VAV1: variants seen among roughly 807,000 people sequenced by gnomAD.
VAV1 encodes the protein vav guanine nucleotide exchange factor 1.
Under a neutral mutation model 128.1 loss-of-function variants are expected in VAV1, and 33 were observed. That is an observed-to-expected ratio of 0.26 (90% CI 0.20 to 0.34). The LOEUF (loss-of-function observed/expected upper bound fraction) is 0.34. Ranked by LOEUF, VAV1 falls within the 10% of genes least tolerant of loss-of-function variation. The pLI is 1.00. For missense variants in VAV1, 715 were observed against 1,093.7 expected (o/e 0.65, Z 4.88); for synonymous variants, 394 against 409.8 (o/e 0.96, Z 0.47).
chr19:6,787,572 AGATTTATTTATTTATTTATT>A (rs1970921452), intron 1 of VAV1, among the ~76,000 whole-genome samples: 1 of 138,656 alleles, frequency 7.2e-6, no homozygotes, highest in South Asian at 2.3e-4. Context: ...CAACTACTCC[AGATTTATTTATTTATTTATT>A]TATTTATTTA....
chr19:6,818,675 GGGC>G (rs1203580818), intron 1 of VAV1, among the ~76,000 whole-genome samples: 1 of 152,180 alleles, frequency 6.6e-6, no homozygotes, highest in Non-Finnish European at 1.5e-5. Context: ...TCATCTGTGT[GGGC>G]CCTAATGCAC....
At chr19:6,847,420 T>G (rs1972551620) in intron 22 of VAV1, among the ~76,000 whole-genome samples, 1 of 152,190 alleles carries the variant, frequency 6.6e-6, no homozygotes, top group Non-Finnish European at 1.5e-5. Flanking sequence ...TGTGGCCGTT[T>G]GTGCCTGGCT....
chr19:6,822,290 C>T lies in VAV1; in HGVS notation c.519C>T (p.Ile173=), dbSNP rs770714689. ...VENEEAEGDE[I]YEDLMRSEPV... ...ATGAGGAGGCGGAAGGCGACGAGAT[C>T]TATGAGGACCTCATGCGCTCGGAGC... Residue 173 remains isoleucine (I), a synonymous_variant, in exon 5 of 27, where the codon ATC becomes ATT. Coordinates refer to ENST00000602142, the MANE Select transcript of VAV1 (RefSeq NM_005428.4). This position sits in a 1 kb window ranked among gnomAD's most constrained non-coding sequence, Gnocchi z 5.9. 2 of 1,575,872 alleles carry T rather than the reference C, an allele frequency of 1.3e-6. No homozygotes were observed. Among genetic ancestry groups the T allele is most frequent in the East Asian group, 2.3e-5 (1 of 43,118 alleles).
chr19:6,847,923 G>A, intron 22 of VAV1, 75 bp from the exon 23 acceptor site: 4 of 1,343,568 alleles, frequency 3.0e-6, no homozygotes, highest in Non-Finnish European at 3.9e-6. Context: ...CAGGGGGAAA[G>A]GCAACCTCCA....
In VAV1 at chr19:6,820,184, C is replaced by T. The variant is rs939205789; in HGVS notation, c.205-518C>T. Among the ~76,000 whole-genome samples the T allele has an allele frequency of 3.3e-5, 5 of 152,024 alleles. No homozygotes were observed. Among genetic ancestry groups the T allele is most frequent in the South Asian group, 2.1e-4 (1 of 4,830 alleles). On this transcript the variant is annotated intron_variant, in intron 1 of 26. Coordinates refer to ENST00000602142, the MANE Select transcript of VAV1 (RefSeq NM_005428.4). The surrounding 1 kb of genome is among the most constrained non-coding windows in gnomAD (Gnocchi z 4.4). The stretch of plus-strand genomic sequence containing the variant: ...AAATACAGAAATTAGCTGGGTGTTG[C>T]GACACATGACTGAAGTCCTAGCTAC...
intron 19 of VAV1, 97 bp downstream of exon 19, chr19:6,834,050 C>T: frequency 6.4e-7 from 1 of 1,562,554 alleles, no homozygotes. Context: ...TTAACAGCCA[C>T]ATTGGGCCGG....
At position 6,777,576 on chromosome 19, in the gene VAV1, TG is replaced by T. The variant is rs1328042256; in HGVS notation, c.204+4567del. On this transcript the variant is annotated intron_variant, in intron 1 of 26. Coordinates refer to ENST00000602142, the MANE Select transcript of VAV1 (RefSeq NM_005428.4). This position sits in a 1 kb window ranked among gnomAD's most constrained non-coding sequence, Gnocchi z 4.4. ...AATGAATCATGTGGATCTGGGGAAA[TG>T]GTGTTCCAGACAGTGGTTACTGCCA... 6.6e-6 allele frequency among the ~76,000 whole-genome samples: 1 copy of T among 151,998 alleles called. No homozygotes were observed. Among genetic ancestry groups the T allele is most frequent in the Non-Finnish European group, 1.5e-5 (1 of 67,998 alleles).
chr19:6,833,217 C>G lies in VAV1; in HGVS notation c.1542C>G (p.Asn514Lys), dbSNP rs199798227. 1 of 1,612,774 alleles carries G rather than the reference C, an allele frequency of 6.2e-7. No homozygotes were observed. Among genetic ancestry groups the G allele is most frequent in the Admixed American group, 1.7e-5 (1 of 59,774 alleles). The change falls in exon 16 of 27, where the codon AAC becomes AAG. Residue 514 changes from asparagine to lysine, a missense_variant. This residue lies in a region of VAV1 where 407 missense variants were observed against 580.6 expected (regional missense o/e 0.70). Coordinates refer to ENST00000602142, the MANE Select transcript of VAV1 (RefSeq NM_005428.4). The stretch of plus-strand genomic sequence containing the variant: ...TCTATCCGGAGAATGCCACCGCCAA[C>G]GGGCATGACTTCCAGATGTTCTCCT... ...SNIYPENATANGHDFQMFSFE... is the reference protein window; with the variant it reads ...SNIYPENATAKGHDFQMFSFE...
At chr19:6,840,372 C>G (rs181031222) in intron 21 of VAV1, among the ~76,000 whole-genome samples, 360 of 148,436 alleles carry the variant, frequency 2.4e-3, no homozygotes, top group Middle Eastern at 0.021. Flanking sequence ...GTGGCGCAAT[C>G]TTGGCTCACT....
chr19:6,780,655 T>G (rs1312931924), intron 1 of VAV1, among the ~76,000 whole-genome samples: 2 of 145,332 alleles, frequency 1.4e-5, no homozygotes, highest in African/African-American at 5.0e-5. Context: ...CACTGGAACC[T>G]CCACCTCCTG....
chr19:6,833,150 TCTTTTTTTTTTTTTTTTAATTTTCCC>T lies in VAV1; in HGVS notation c.1509-31_1509-6del, dbSNP rs1568310127. ...ATAAAAAGGAATAAAATACTGACCT[TCTTTTTTTTTTTTTTTTAATTTTCCC>T]CTGCCAGCTCCAACATCTATCCGGA... is the stretch of plus-strand genomic sequence containing the variant. On this transcript the variant is annotated splice_polypyrimidine_tract_variant and splice_region_variant and intron_variant, in intron 15 of 26. Transcript: ENST00000602142. The T allele has an allele frequency of 6.6e-7, 1 of 1,506,952 alleles. No homozygotes were observed. Among genetic ancestry groups the T allele is most frequent in the East Asian group, 2.3e-5 (1 of 44,200 alleles). 93.3% of individuals were successfully genotyped at this position (1,506,952 alleles called of 1,614,324 possible).
At chr19:6,833,373 T>G in intron 16 of VAV1, 88 bp downstream of exon 16, 1 of 1,442,378 alleles carries the variant, frequency 6.9e-7, no homozygotes. Context: ...GTTCCCTAAA[T>G]TGGGAGATGG....
chr19:6,851,606 G>T (rs963553396), intron 24 of VAV1, among the ~76,000 whole-genome samples: 1 of 152,186 alleles, frequency 6.6e-6, no homozygotes, highest in Non-Finnish European at 1.5e-5. Context: ...AGAGCCCATA[G>T]CTTGTCTTTG....
At chr19:6,809,131 G>T (rs1175230084) in intron 1 of VAV1, among the ~76,000 whole-genome samples, 6 of 150,916 alleles carry the variant, frequency 4.0e-5, no homozygotes, top group African/African-American at 1.5e-4. Context: ...CCCAAGCTGG[G>T]GTGCAGTGAC....
At chr19:6,825,478 T>G in intron 8 of VAV1, 72 bp downstream of exon 8, 14 of 1,329,146 alleles carry the variant, frequency 1.1e-5, no homozygotes, top group Non-Finnish European at 1.5e-5. Flanking sequence ...CTGAGAGACC[T>G]TACCCTCAGA....
intron 22 of VAV1, among the ~76,000 whole-genome samples, chr19:6,844,675 G>C (rs754164195): frequency 6.6e-6 from 1 of 152,102 alleles, no homozygotes; most frequent in Non-Finnish European, 1.5e-5. Context: ...GTAAGAGGCA[G>C]GGTCAGGATT....
Position 6,772,719 on chromosome 19 carries a change from T to C in VAV1, c.-89T>C. ...GAAGAGGAAGTGGTAGCACTAGCTG[T>C]CGCTCCACAGGCGAGCAGGGCAGGC... On this transcript the variant is annotated 5_prime_UTR_variant, in exon 1 of 27. Transcript: ENST00000602142. The surrounding 1 kb of genome is among the most constrained non-coding windows in gnomAD (Gnocchi z 4.8). 1 of 1,397,498 alleles carries C rather than the reference T, an allele frequency of 7.2e-7. No individual in the cohort carries two copies. The allele number at this position is 1,397,498 out of a possible 1,614,324, so 86.6% of individuals were successfully genotyped here. A position where few individuals can be genotyped will look rare whatever the true frequency, so the allele number is the denominator to read the frequency against.
chr19:6,821,781 G>C lies in VAV1; in HGVS notation c.381-10G>C. ...CCAGGCCCCTGGCTCACACCCTCCT[G>C]ACCCCCCAGGCCCTTCCCCACCGAG... On this transcript the variant is annotated splice_polypyrimidine_tract_variant and intron_variant, in intron 3 of 26. Transcript: ENST00000602142. 6.2e-7 allele frequency: 1 copy of C among 1,613,930 alleles called. No individual in the cohort carries two copies.
chr19:6,814,679 T>C (rs138384800), intron 1 of VAV1, among the ~76,000 whole-genome samples: 5,731 of 88,256 alleles, frequency 0.065, 185 homozygotes, highest in African/African-American at 0.22. Context: ...TTCCTTTCTT[T>C]CTTTCTTTCT....
Sources: gnomAD v4.1 joint callset for allele counts (sites outside exome capture counted in the v4.1 genomes callset) on GRCh38, gnomAD v4.1.1 for gene constraint, gnomAD v4.1.1 regional missense constraint, Gnocchi (gnomAD v3.1) non-coding constraint, MANE v1.5 for transcripts, NCBI Gene and HGNC (gene_info 2026-07-23, HGNC 2026-07-21) for gene names.